HNF4G: variants seen among roughly 807,000 people sequenced by gnomAD.
The protein encoded by HNF4G is hepatocyte nuclear factor 4 gamma.
A neutral mutation model predicts 50.9 loss-of-function variants in HNF4G; 21 were observed. The observed-to-expected ratio is 0.41, with a 90% CI of 0.29 to 0.59. The LOEUF is 0.59. Ranked by LOEUF, HNF4G falls within the 20% of genes least tolerant of loss-of-function variation. The probability of loss-of-function intolerance (pLI) is 0.26; values close to 1 mark genes in which losing one functional copy is unlikely to be tolerated. For missense variants in HNF4G, 527 were observed against 559.4 expected (o/e 0.94, Z 0.58); for synonymous variants, 198 against 185.6 (o/e 1.07, Z -0.54).
At position 75,431,459 on chromosome 8, in the gene HNF4G, T is replaced by C. The variant is rs542461840; in HGVS notation, c.-144+23297T>C. ...GATTTTAAAAAGCAGAAAAAGATAA[T>C]ATAGAAAATAGAAGACAGTAGTATA... On this transcript the variant is annotated intron_variant, in intron 1 of 10. Transcript: ENST00000354370. Among the ~76,000 whole-genome samples the C allele has an allele frequency of 3.8e-3, 581 of 152,188 alleles. 4 individuals are homozygous for C. Among genetic ancestry groups the C allele is most frequent in the Non-Finnish European group, 4.7e-3 (322 of 68,020 alleles).
chr8:75,507,754 A>G (rs1156423202), intron 2 of HNF4G, among the ~76,000 whole-genome samples: 1 of 152,216 alleles, frequency 6.6e-6, no homozygotes, highest in Non-Finnish European at 1.5e-5. Flanking sequence ...TTAATTCATC[A>G]AAATTTAACT....
At chr8:75,475,116 T>C (rs1812212644) in intron 1 of HNF4G, among the ~76,000 whole-genome samples, 1 of 152,024 alleles carries the variant, frequency 6.6e-6, no homozygotes, top group South Asian at 2.1e-4. Context: ...TTCAAGCGAT[T>C]CTCCTGCCTC....
chr8:75,532,188 A>G (rs114239420), intron 2 of HNF4G, among the ~76,000 whole-genome samples: 5,892 of 152,152 alleles, frequency 0.039, 323 homozygotes, highest in African/African-American at 0.13. Context: ...TTGAGAGAAG[A>G]GTTATTTTTA....
intron 2 of HNF4G, among the ~76,000 whole-genome samples, chr8:75,545,783 C>A (rs900760955): frequency 5.9e-5 from 9 of 151,932 alleles, no homozygotes; most frequent in African/African-American, 2.2e-4. Flanking sequence ...GTGGAGGAAA[C>A]AAGTAGCATT....
Position 75,542,947 on chromosome 8 carries a change from G to A in HNF4G, c.119-864G>A, listed in dbSNP as rs143956226. On this transcript the variant is annotated intron_variant, in intron 1 of 9. Coordinates refer to ENST00000396423, the MANE Select transcript of HNF4G (RefSeq NM_004133.5). ...CACGCCTATAATTTCAGCACTTTGG[G>A]ATTATAGGTGGGCAGACCGCCTGCT... Among the ~76,000 whole-genome samples, 680 of 152,294 alleles carry A rather than the reference G, an allele frequency of 4.5e-3. 6 individuals are homozygous for A. Among genetic ancestry groups the A allele is most frequent in the Non-Finnish European group, 7.6e-3 (516 of 68,024 alleles).
intron 6 of HNF4G, among the ~76,000 whole-genome samples, chr8:75,557,407 G>C (rs370269632): frequency 2.0e-5 from 3 of 152,268 alleles, no homozygotes; most frequent in African/African-American, 4.8e-5. Flanking sequence ...ATCACTTAAG[G>C]TCAGGAGTTC....
intron 1 of HNF4G, among the ~76,000 whole-genome samples, chr8:75,421,031 G>T (rs1284244167): frequency 6.6e-6 from 1 of 152,124 alleles, no homozygotes; most frequent in Non-Finnish European, 1.5e-5. Context: ...TAGCCACATC[G>T]CAGGTAAGTA....
At chr8:75,445,685 A>G (rs1811408116) in intron 1 of HNF4G, among the ~76,000 whole-genome samples, 2 of 131,522 alleles carry the variant, frequency 1.5e-5, no homozygotes, top group Admixed American at 7.7e-5. Flanking sequence ...TCGAGAAGAA[A>G]TGGATACATT....
At chr8:75,448,596 AT>A (rs1210983120) in intron 1 of HNF4G, among the ~76,000 whole-genome samples, 5 of 151,382 alleles carry the variant, frequency 3.3e-5, no homozygotes, top group Admixed American at 2.0e-4. Flanking sequence ...ATAATATGTT[AT>A]TGTAATATGT....
intron 1 of HNF4G, among the ~76,000 whole-genome samples, chr8:75,437,632 G>A (rs2085282165): frequency 6.6e-6 from 1 of 151,932 alleles, no homozygotes; most frequent in Non-Finnish European, 1.5e-5. Flanking sequence ...CCGAGATCAC[G>A]CCACTGCACT....
intron 1 of HNF4G, among the ~76,000 whole-genome samples, chr8:75,475,089 A>G (rs1812211839): frequency 6.7e-6 from 1 of 149,712 alleles, no homozygotes; most frequent in South Asian, 2.1e-4. Flanking sequence ...GCTCAGTGCC[A>G]ACCTCTGCCT....
chr8:75,434,700 A>C (rs903412620), intron 1 of HNF4G, among the ~76,000 whole-genome samples: 1 of 151,978 alleles, frequency 6.6e-6, no homozygotes, highest in African/African-American at 2.4e-5. Flanking sequence ...ACACACACAC[A>C]CACACATACA....
In HNF4G at chr8:75,434,675, A is replaced by AACACACAC. The variant is rs36098920; in HGVS notation, c.-144+26537_-144+26544dup. 8.4e-3 allele frequency among the ~76,000 whole-genome samples: 1,220 copies of AACACACAC among 145,782 alleles called. 18 individuals carry two copies. The highest frequency in any genetic ancestry group is 0.025 in the African/African-American group (979 of 39,764). ...ATTCCAGAACACAAACAACAAGGCC[A>AACACACAC]ACACACACACACACACACACACACA... is the stretch of plus-strand genomic sequence containing the variant. On this transcript the variant is annotated intron_variant, in intron 1 of 10. Coordinates refer to the HNF4G transcript ENST00000354370.
chr8:75,499,088 T>A (rs979823760), intron 2 of HNF4G, among the ~76,000 whole-genome samples: 2 of 152,094 alleles, frequency 1.3e-5, no homozygotes, highest in African/African-American at 4.8e-5. Context: ...GAAGTAAAAC[T>A]ATGTCAATTT....
At chr8:75,548,759 G>T (rs888618457) in intron 3 of HNF4G, among the ~76,000 whole-genome samples, 11 of 152,066 alleles carry the variant, frequency 7.2e-5, no homozygotes, top group African/African-American at 2.7e-4. Flanking sequence ...ATAATCAAAT[G>T]AAACCACTAT....
chr8:75,430,723 A>T (rs1810997031), intron 1 of HNF4G, among the ~76,000 whole-genome samples: 1 of 152,198 alleles, frequency 6.6e-6, no homozygotes, highest in Non-Finnish European at 1.5e-5. Context: ...TTGCAGAAGC[A>T]AGCAAAAATC....
At chr8:75,416,572 A>G (rs1405458170) in intron 1 of HNF4G, among the ~76,000 whole-genome samples, 2 of 152,062 alleles carry the variant, frequency 1.3e-5, no homozygotes, top group Non-Finnish European at 2.9e-5. Flanking sequence ...AAAGGAAGGT[A>G]AAAATGATTT....
chr8:75,470,039 C>A (rs1812077652), intron 1 of HNF4G, among the ~76,000 whole-genome samples: 1 of 152,188 alleles, frequency 6.6e-6, no homozygotes, highest in Non-Finnish European at 1.5e-5. Flanking sequence ...TCAAAACTCT[C>A]ACTTTTTAGA....
Position 75,565,046 on chromosome 8 carries a change from G to A in HNF4G, c.*950G>A, listed in dbSNP as rs1269742907. ...ATTTGGTCCTCACAATAACACTTTAGGAGAGATATCATTATCGCTGTTTTA... is the reference window on the plus strand; with the variant it reads ...ATTTGGTCCTCACAATAACACTTTAAGAGAGATATCATTATCGCTGTTTTA... On this transcript the variant is annotated 3_prime_UTR_variant, in exon 10 of 10. Transcript: ENST00000396423. 6.6e-6 allele frequency: 1 copy of A among 152,098 alleles called. No homozygotes were observed. The highest frequency in any genetic ancestry group is 1.5e-5 in the Non-Finnish European group (1 of 68,020). 9.4% of individuals were successfully genotyped at this position (152,098 alleles called of 1,614,324 possible). A position where few individuals can be genotyped will look rare whatever the true frequency, so the allele number is the denominator to read the frequency against.
Sources: gnomAD v4.1 joint callset for allele counts (sites outside exome capture counted in the v4.1 genomes callset) on GRCh38, gnomAD v4.1.1 for gene constraint, MANE v1.5 for transcripts, NCBI Gene and HGNC (gene_info 2026-07-23, HGNC 2026-07-21) for gene names.